Variants in IGF1R observed in about 807,000 individuals in gnomAD.
IGF1R encodes insulin like growth factor 1 receptor.
In IGF1R, 44 loss-of-function variants were observed where a neutral mutation model predicts 144.6. The ratio of observed to expected loss-of-function variants is 0.30; its 90% CI spans 0.24 to 0.39. The LOEUF is 0.39. IGF1R is among the 10% of genes least tolerant of loss of function. IGF1R has a pLI of 1.00. For missense variants in IGF1R, 1,355 were observed against 1,833.7 expected (o/e 0.74, Z 4.77); for synonymous variants, 795 against 722.8 (o/e 1.10, Z -1.60).
At chr15:98,811,074 C>G (rs1274205930) in intron 2 of IGF1R, among the ~76,000 whole-genome samples, 8 of 151,242 alleles carry the variant, frequency 5.3e-5, no homozygotes, top group African/African-American at 7.3e-5. Context: ...GCTGAGGCGG[C>G]CGGATCACCT....
intron 1 of IGF1R, among the ~76,000 whole-genome samples, chr15:98,657,964 G>T (rs1351126431): frequency 2.6e-5 from 4 of 152,164 alleles, no homozygotes; most frequent in Non-Finnish European, 5.9e-5. Flanking sequence ...TGCTGAGTTG[G>T]CCTCTGAACC....
chr15:98,911,450 CT>C lies in IGF1R; in HGVS notation c.1589+10del. On this transcript the variant is annotated intron_variant, in intron 7 of 20. Transcript: ENST00000650285. ...GTTTACTACAAGGAAGCGTGAGTTT[CT>C]GCTTTGGGTGATGCCATTCTGTTGA... 1 of 1,614,162 alleles carries C rather than the reference CT, an allele frequency of 6.2e-7. No homozygotes were observed. Among genetic ancestry groups the C allele is most frequent in the Non-Finnish European group, 8.5e-7 (1 of 1,180,024 alleles).
intron 19 of IGF1R, among the ~76,000 whole-genome samples, chr15:98,948,296 A>G (rs998934080): frequency 2.6e-5 from 4 of 151,936 alleles, no homozygotes; most frequent in African/African-American, 4.8e-5. Flanking sequence ...AGCACAGATC[A>G]GGGGCTTCCT....
chr15:98,691,806 G>A (rs1197204250), intron 1 of IGF1R, among the ~76,000 whole-genome samples: 2 of 152,150 alleles, frequency 1.3e-5, no homozygotes, highest in Admixed American at 6.5e-5. Context: ...CAGTGTATGC[G>A]TGGGGACATA....
chr15:98,662,585 C>T (rs868096167), intron 1 of IGF1R, among the ~76,000 whole-genome samples: 7 of 151,166 alleles, frequency 4.6e-5, no homozygotes, highest in African/African-American at 1.7e-4. Flanking sequence ...TTTTTTTACT[C>T]GAGCTTGTTG....
rs2012568726 is a variant in IGF1R at position 98,868,322 on chromosome 15, G to C, written c.641-23003G>C. ...AGCCTGGACAACAGAGTAAGACCTT[G>C]TCTCCAAAAAAAAAAAAAAAAAGCC... On this transcript the variant is annotated intron_variant, in intron 2 of 20. Transcript: ENST00000650285. Among the ~76,000 whole-genome samples the C allele has an allele frequency of 2.0e-3, 4 of 2,000 alleles. No individual in the cohort carries two copies. In the South Asian group the frequency reaches 0.25, roughly 125 times the overall value. 1.3% of individuals were successfully genotyped at this position (2,000 alleles called of 152,430 possible).
At chr15:98,777,693 A>G (rs534387931) in intron 2 of IGF1R, among the ~76,000 whole-genome samples, 2 of 152,356 alleles carry the variant, frequency 1.3e-5, no homozygotes, top group Admixed American at 1.3e-4. Flanking sequence ...AGAGGGCAGC[A>G]AGTGCATCCT....
chr15:98,846,994 G>C (rs1409992413), intron 2 of IGF1R, among the ~76,000 whole-genome samples: 1 of 151,092 alleles, frequency 6.6e-6, no homozygotes, highest in Non-Finnish European at 1.5e-5. Context: ...TCTTTTTTTT[G>C]GACACAAATT....
At chr15:98,902,608 C>T (rs975923950) in intron 5 of IGF1R, among the ~76,000 whole-genome samples, 3 of 150,180 alleles carry the variant, frequency 2.0e-5, no homozygotes, top group African/African-American at 7.4e-5. Context: ...TAGAGACGGA[C>T]TTTCACCGTG....
At chr15:98,719,969 G>C (rs1354939076) in intron 2 of IGF1R, among the ~76,000 whole-genome samples, 1 of 152,214 alleles carries the variant, frequency 6.6e-6, no homozygotes, top group Non-Finnish European at 1.5e-5. Flanking sequence ...TAATTGGGAT[G>C]ATGCTCTGAC....
chr15:98,850,965 G>T (rs751449794), intron 2 of IGF1R, among the ~76,000 whole-genome samples: 2 of 152,266 alleles, frequency 1.3e-5, no homozygotes, highest in East Asian at 3.9e-4. Flanking sequence ...TACTGAGGTG[G>T]AGAAACCTGC....
intron 2 of IGF1R, among the ~76,000 whole-genome samples, chr15:98,870,217 A>T (rs2012710276): frequency 6.6e-6 from 1 of 152,248 alleles, no homozygotes; most frequent in African/African-American, 2.4e-5. Flanking sequence ...AACTCTTTTC[A>T]TCTCGCACAA....
At chr15:98,700,880 C>G (rs1002588605) in intron 1 of IGF1R, among the ~76,000 whole-genome samples, 1 of 152,056 alleles carries the variant, frequency 6.6e-6, no homozygotes, top group African/African-American at 2.4e-5. Flanking sequence ...GGGGCCTTGT[C>G]TTTATGTTCC....
At chr15:98,877,897 T>C (rs1490560111) in intron 2 of IGF1R, among the ~76,000 whole-genome samples, 2 of 152,250 alleles carry the variant, frequency 1.3e-5, no homozygotes, top group Non-Finnish European at 2.9e-5. Context: ...CAAGTGGCTG[T>C]CTTCAGTTTA....
chr15:98,779,072 G>A (rs183912093), intron 2 of IGF1R, among the ~76,000 whole-genome samples: 7 of 152,280 alleles, frequency 4.6e-5, no homozygotes, highest in Middle Eastern at 3.4e-3. Context: ...ATAATTGAGC[G>A]TGAGAGCATT....
At chr15:98,877,639 C>A (rs1243079470) in intron 2 of IGF1R, among the ~76,000 whole-genome samples, 1 of 151,958 alleles carries the variant, frequency 6.6e-6, no homozygotes, top group African/African-American at 2.4e-5. Flanking sequence ...AGGTGTGTAT[C>A]CTCCTAAGGA....
Position 98,899,470 on chromosome 15 carries a change from A to G in IGF1R, c.1103-7A>G. ...GCACACAGTGACACAATCCCCTTTC[A>G]ATGTAGATAACATTGCTTCAGAGCT... On this transcript the variant is annotated splice_region_variant and splice_polypyrimidine_tract_variant and intron_variant, in intron 4 of 20. Coordinates refer to ENST00000650285, the MANE Select transcript of IGF1R (RefSeq NM_000875.5). 4.3e-6 allele frequency: 7 copies of G among 1,614,016 alleles called. No homozygotes were observed. Among genetic ancestry groups the G allele is most frequent in the Non-Finnish European group, 5.9e-6 (7 of 1,179,942 alleles).
At chr15:98,933,945 AG>A (rs1457220718) in intron 15 of IGF1R, among the ~76,000 whole-genome samples, 1 of 152,218 alleles carries the variant, frequency 6.6e-6, no homozygotes, top group Admixed American at 6.5e-5. Flanking sequence ...AATGCAGTTC[AG>A]CTTTGTAACC....
chr15:98,763,371 T>A (rs1482312604), intron 2 of IGF1R, among the ~76,000 whole-genome samples: 1 of 152,238 alleles, frequency 6.6e-6, no homozygotes, highest in African/African-American at 2.4e-5. Context: ...AATTGAGGGT[T>A]GCAAATGACC....
Sources: allele counts gnomAD v4.1 joint callset (sites outside exome capture counted in the v4.1 genomes callset), GRCh38; gene constraint gnomAD v4.1.1; transcripts MANE v1.5; gene names NCBI Gene and HGNC (gene_info 2026-07-23, HGNC 2026-07-21).